Variants in BARX2 observed in about 807,000 individuals in gnomAD.
BARX2 encodes the protein BARX homeobox 2.
In BARX2, 11 loss-of-function variants were observed where a neutral mutation model predicts 25.5. The ratio of observed to expected loss-of-function variants is 0.43; its 90% CI spans 0.27 to 0.71. BARX2 has a LOEUF of 0.71. BARX2 is among the 30% of genes least tolerant of loss of function. The pLI, the probability that BARX2 is intolerant of heterozygous loss-of-function variation, is 0.19. For missense variants in BARX2, 360 were observed against 359.9 expected (o/e 1.00, Z 0.00); for synonymous variants, 137 against 149.5 (o/e 0.92, Z 0.61).
chr11:129,433,716 T>A (rs961308346), intron 1 of BARX2, among the ~76,000 whole-genome samples: 4 of 152,186 alleles, frequency 2.6e-5, no homozygotes, highest in Non-Finnish European at 4.4e-5. Flanking sequence ...AGAAGGGTCA[T>A]CTTCCCACCA....
intron 1 of BARX2, among the ~76,000 whole-genome samples, chr11:129,391,434 C>T (rs186389393): frequency 2.0e-3 from 304 of 152,290 alleles, no homozygotes; most frequent in Non-Finnish European, 3.4e-3. Flanking sequence ...CCCATAAAGC[C>T]TAAAATATTG....
intron 1 of BARX2, among the ~76,000 whole-genome samples, chr11:129,424,640 C>T (rs530450938): frequency 5.3e-5 from 8 of 152,298 alleles, no homozygotes; most frequent in African/African-American, 1.7e-4. Context: ...CCCTCTTTAC[C>T]TTTAAATAAT....
Position 129,436,522 on chromosome 11 carries a change from C to G in BARX2, c.188-229C>G. The G allele has an allele frequency of 7.1e-6, 3 of 422,014 alleles. No individual in the cohort carries two copies. The highest frequency in any genetic ancestry group is 1.2e-5 in the Non-Finnish European group (3 of 241,636). 26.1% of individuals were successfully genotyped at this position (422,014 alleles called of 1,614,324 possible). On this transcript the variant is annotated intron_variant, in intron 1 of 3. Coordinates refer to ENST00000281437, the MANE Select transcript of BARX2 (RefSeq NM_003658.5). This position sits in a 1 kb window ranked among gnomAD's most constrained non-coding sequence, Gnocchi z 4.5. ...TTAAAACCAGAGGACTTGCAGGAAC[C>G]TCTTCTGGGCCGTGGGCTTCATCTT...
chr11:129,398,017 T>C (rs1006919521), intron 1 of BARX2, among the ~76,000 whole-genome samples: 7 of 152,258 alleles, frequency 4.6e-5, no homozygotes, highest in Non-Finnish European at 7.3e-5. Context: ...GTGCTGTGGA[T>C]GTCACTGTAT....
intron 1 of BARX2, among the ~76,000 whole-genome samples, chr11:129,403,529 C>CCCA (rs1355495624): frequency 6.6e-6 from 1 of 152,120 alleles, no homozygotes. Context: ...GGTGGTGGTG[C>CCCA]CCCGCTTCCC....
intron 3 of BARX2, among the ~76,000 whole-genome samples, chr11:129,446,379 G>C (rs1412741269): frequency 6.6e-6 from 1 of 152,122 alleles, no homozygotes; most frequent in Admixed American, 6.5e-5. Flanking sequence ...GTTACCAGTA[G>C]CTCTCTGTGT....
chr11:129,380,480 G>C (rs1408218873), intron 1 of BARX2, among the ~76,000 whole-genome samples: 1 of 152,124 alleles, frequency 6.6e-6, no homozygotes, highest in East Asian at 1.9e-4. Flanking sequence ...TCTCAGCTTG[G>C]TCTTTTTCAG....
At chr11:129,446,391 A>T (rs546031582) in intron 3 of BARX2, among the ~76,000 whole-genome samples, 1 of 152,208 alleles carries the variant, frequency 6.6e-6, no homozygotes, top group East Asian at 1.9e-4. Context: ...TCTCTGTGTA[A>T]TCTTGGGCAG....
chr11:129,403,926 A>G (rs1008101561), intron 1 of BARX2, among the ~76,000 whole-genome samples: 7 of 152,078 alleles, frequency 4.6e-5, no homozygotes, highest in Admixed American at 6.5e-5. Context: ...GGGTCTTGCT[A>G]TGTTGCCCAG....
intron 1 of BARX2, among the ~76,000 whole-genome samples, chr11:129,406,184 C>T (rs1314413338): frequency 6.6e-6 from 1 of 152,198 alleles, no homozygotes; most frequent in Non-Finnish European, 1.5e-5. Flanking sequence ...TTCCTTGTGC[C>T]CATTGTTTTA....
chr11:129,433,898 A>T (rs1862156892), intron 1 of BARX2, among the ~76,000 whole-genome samples: 1 of 152,198 alleles, frequency 6.6e-6, no homozygotes. Flanking sequence ...CCATGAAGGT[A>T]GGACTTTATA....
At chr11:129,379,315 G>A (rs936834643) in intron 1 of BARX2, among the ~76,000 whole-genome samples, 3 of 152,148 alleles carry the variant, frequency 2.0e-5, no homozygotes, top group African/African-American at 7.2e-5. Flanking sequence ...GGTGGAATAT[G>A]CTTAGAATTA....
intron 1 of BARX2, among the ~76,000 whole-genome samples, chr11:129,392,656 G>T (rs377504451): frequency 1.3e-5 from 2 of 152,140 alleles, no homozygotes; most frequent in African/African-American, 4.8e-5. Context: ...CTGTTGCCCA[G>T]TCTGGAGGGC....
chr11:129,385,871 G>A (rs1258416266), intron 1 of BARX2, among the ~76,000 whole-genome samples: 1 of 152,136 alleles, frequency 6.6e-6, no homozygotes, highest in African/African-American at 2.4e-5. Context: ...TTAATCTTGT[G>A]GAACTTTTGA....
intron 2 of BARX2, chr11:129,437,818 G>C (rs1342933858): frequency 1.3e-5 from 2 of 152,170 alleles, no homozygotes; most frequent in African/African-American, 4.8e-5. Flanking sequence ...TTTGAGGCTA[G>C]GAGTTTGAGA....
At chr11:129,386,505 A>C (rs909032171) in intron 1 of BARX2, among the ~76,000 whole-genome samples, 2 of 152,192 alleles carry the variant, frequency 1.3e-5, no homozygotes, top group African/African-American at 2.4e-5. Context: ...CTGATTTTAA[A>C]AGTTTGTTCA....
intron 1 of BARX2, among the ~76,000 whole-genome samples, chr11:129,412,218 A>G (rs10894035): frequency 0.39 from 59,184 of 151,400 alleles, 15,094 homozygotes; most frequent in African/African-American, 0.73. Flanking sequence ...CTTGCAGTGA[A>G]CCGAGATCGC....
At chr11:129,408,506 C>T (rs1861855242) in intron 1 of BARX2, among the ~76,000 whole-genome samples, 2 of 152,228 alleles carry the variant, frequency 1.3e-5, no homozygotes, top group South Asian at 4.1e-4. Flanking sequence ...CTGGCCCTGC[C>T]TGTCTCTTCA....
At chr11:129,441,163 C>T (rs553788147) in intron 2 of BARX2, among the ~76,000 whole-genome samples, 10 of 152,268 alleles carry the variant, frequency 6.6e-5, no homozygotes, top group South Asian at 2.1e-4. Context: ...TTGTCCCACC[C>T]GGTTGTTTGC....
Sources: gnomAD v4.1 joint callset for allele counts (sites outside exome capture counted in the v4.1 genomes callset) on GRCh38, gnomAD v4.1.1 for gene constraint, Gnocchi (gnomAD v3.1) non-coding constraint, MANE v1.5 for transcripts, NCBI Gene and HGNC (gene_info 2026-07-23, HGNC 2026-07-21) for gene names.